Variants in CYRIB observed in about 807,000 individuals in gnomAD.
CYRIB encodes CYFIP-related Rac1 interactor B.
CYRIB carries 8 observed loss-of-function variants against 44.2 expected under a neutral mutation model. The ratio of observed to expected loss-of-function variants is 0.18; its 90% CI spans 0.11 to 0.33. The LOEUF is 0.33. Ranked by LOEUF, CYRIB falls within the 10% of genes least tolerant of loss-of-function variation. The pLI is 1.00. For missense variants in CYRIB, 185 were observed against 382.8 expected (o/e 0.48, Z 4.31); for synonymous variants, 131 against 127.2 (o/e 1.03, Z -0.20).
At chr8:129,958,549 A>G (rs1000567069) in intron 2 of CYRIB, among the ~76,000 whole-genome samples, 2 of 152,220 alleles carry the variant, frequency 1.3e-5, no homozygotes, top group Admixed American at 6.5e-5. Flanking sequence ...ATACAATTAC[A>G]TAATAGCTAC....
chr8:129,911,020 T>C (rs191114127), intron 1 of CYRIB, among the ~76,000 whole-genome samples: 3 of 152,342 alleles, frequency 2.0e-5, no homozygotes, highest in Admixed American at 1.3e-4. Flanking sequence ...TTGTGTAACT[T>C]AGTCCTTCCC....
intron 4 of CYRIB, among the ~76,000 whole-genome samples, chr8:129,863,677 T>C (rs1215087250): frequency 2.0e-5 from 3 of 152,254 alleles, no homozygotes; most frequent in African/African-American, 7.2e-5. Flanking sequence ...GAAGAAAATA[T>C]AATCTAGAGA....
At chr8:129,855,218 C>G (rs1445306957) in intron 6 of CYRIB, among the ~76,000 whole-genome samples, 1 of 151,960 alleles carries the variant, frequency 6.6e-6, no homozygotes, top group African/African-American at 2.4e-5. Context: ...TGGTGAAACC[C>G]CGTCTCTACT....
At chr8:129,858,914 T>C (rs531350392) in intron 5 of CYRIB, among the ~76,000 whole-genome samples, 48 of 152,266 alleles carry the variant, frequency 3.2e-4, no homozygotes, top group African/African-American at 9.9e-4. Context: ...AAGTTTACTG[T>C]AGGGTCCAGC....
chr8:129,986,295 C>T (rs1339302679), intron 1 of CYRIB, among the ~76,000 whole-genome samples: 1 of 152,100 alleles, frequency 6.6e-6, no homozygotes, highest in Non-Finnish European at 1.5e-5. Context: ...TTCAGTGGCC[C>T]CGAGGACAGG....
intron 2 of CYRIB, among the ~76,000 whole-genome samples, chr8:129,967,803 TGGAACCTAA>T (rs2095545144): frequency 6.6e-6 from 1 of 152,244 alleles, no homozygotes; most frequent in South Asian, 2.1e-4. Flanking sequence ...CACAAATTCT[TGGAACCTAA>T]GGATTGGAAG....
intron 2 of CYRIB, among the ~76,000 whole-genome samples, chr8:129,961,846 C>T (rs2095271927): frequency 6.6e-6 from 1 of 152,168 alleles, no homozygotes; most frequent in Non-Finnish European, 1.5e-5. Flanking sequence ...ACTGGCAGAC[C>T]TAGACTGAAT....
At chr8:129,985,003 T>A (rs1379777154) in intron 1 of CYRIB, among the ~76,000 whole-genome samples, 1 of 152,112 alleles carries the variant, frequency 6.6e-6, no homozygotes, top group African/African-American at 2.4e-5. Flanking sequence ...ACTCCTGACC[T>A]CAGGTGATCG....
intron 1 of CYRIB, among the ~76,000 whole-genome samples, chr8:129,985,063 C>A (rs2096402231): frequency 6.6e-6 from 1 of 152,220 alleles, no homozygotes; most frequent in African/African-American, 2.4e-5. Flanking sequence ...AGCCACCACG[C>A]CCCACCCAAG....
intron 2 of CYRIB, among the ~76,000 whole-genome samples, chr8:129,889,667 A>T (rs1445516342): frequency 2.0e-5 from 3 of 152,172 alleles, no homozygotes; most frequent in Non-Finnish European, 2.9e-5. Flanking sequence ...TGGAAATACC[A>T]AGAGAACTAG....
chr8:129,968,928 C>T (rs892149895), intron 2 of CYRIB, among the ~76,000 whole-genome samples: 1 of 151,774 alleles, frequency 6.6e-6, no homozygotes, highest in Non-Finnish European at 1.5e-5. Context: ...AAACTTTGGC[C>T]CTCAGGCTCT....
intron 2 of CYRIB, among the ~76,000 whole-genome samples, chr8:129,893,572 T>A (rs2066426222): frequency 1.3e-5 from 2 of 152,226 alleles, no homozygotes; most frequent in Admixed American, 1.3e-4. Context: ...GTCACCCAGA[T>A]TAAAACTATA....
At chr8:129,858,968 A>C (rs1025711433) in intron 5 of CYRIB, among the ~76,000 whole-genome samples, 22 of 152,164 alleles carry the variant, frequency 1.4e-4, no homozygotes, top group Admixed American at 1.4e-3. Context: ...GAGACGAGAG[A>C]GTGTAGAAAT....
intron 1 of CYRIB, among the ~76,000 whole-genome samples, chr8:129,925,817 G>A (rs537808614): frequency 1.3e-5 from 2 of 152,280 alleles, no homozygotes; most frequent in African/African-American, 4.8e-5. Context: ...TCACTATAAA[G>A]CCCTTCTATC....
At chr8:129,985,637 T>C (rs1591784650) in intron 1 of CYRIB, among the ~76,000 whole-genome samples, 1 of 151,990 alleles carries the variant, frequency 6.6e-6, no homozygotes, top group African/African-American at 2.4e-5. Context: ...ATAAACCTGA[T>C]TGCTCTCAGA....
intron 2 of CYRIB, among the ~76,000 whole-genome samples, chr8:129,885,850 A>G (rs753667063): frequency 1.3e-5 from 2 of 152,142 alleles, no homozygotes; most frequent in Admixed American, 1.3e-4. Context: ...CTTAAAAAAA[A>G]AAGAAGAAGA....
At chr8:129,923,662 C>A (rs1159900968) in intron 1 of CYRIB, among the ~76,000 whole-genome samples, 2 of 152,136 alleles carry the variant, frequency 1.3e-5, no homozygotes, top group South Asian at 2.1e-4. Context: ...TTTCACATTT[C>A]AAATCAAAAG....
rs145942893 is a variant in CYRIB, at chr8:129,902,050, A to G, written c.-11+1262T>C. Among the ~76,000 whole-genome samples the G allele has an allele frequency of 1.1e-4, 16 of 152,304 alleles. No individual in the cohort carries two copies. In the East Asian group the frequency reaches 3.1e-3, roughly 29 times the overall value. Reference sequence around the variant, plus strand: ...ATCATTATTCTGAGGCAGGATTCATAGGCTTCATAAGATTGCCAAAGAGGT... The same window carrying G: ...ATCATTATTCTGAGGCAGGATTCATGGGCTTCATAAGATTGCCAAAGAGGT... On this transcript the variant is annotated intron_variant, in intron 2 of 11. Transcript: ENST00000519824.
At chr8:129,978,474 C>A (rs2096060018) in intron 1 of CYRIB, among the ~76,000 whole-genome samples, 1 of 152,282 alleles carries the variant, frequency 6.6e-6, no homozygotes, top group African/African-American at 2.4e-5. Context: ...AGACTCAAGC[C>A]TCGCGCTGTG....
Sources: gnomAD v4.1 joint callset for allele counts (sites outside exome capture counted in the v4.1 genomes callset) on GRCh38, gnomAD v4.1.1 for gene constraint, MANE v1.5 for transcripts, NCBI Gene and HGNC (gene_info 2026-07-23, HGNC 2026-07-21) for gene names.